The following FBXL17 variants were observed in gnomAD, a reference collection of about 807,000 sequenced individuals.
The protein encoded by FBXL17 is F-box/LRR-repeat protein 17.
A neutral mutation model predicts 66.2 loss-of-function variants in FBXL17; 22 were observed. The ratio of observed to expected loss-of-function variants is 0.33; its 90% CI spans 0.24 to 0.47. The LOEUF is 0.47. Among genes scored for constraint, FBXL17 ranks in the 20% least tolerant of loss-of-function variants. The pLI, the probability that FBXL17 is intolerant of heterozygous loss-of-function variation, is 1.00. For missense variants in FBXL17, 878 were observed against 948.2 expected (o/e 0.93, Z 0.97); for synonymous variants, 474 against 400.5 (o/e 1.18, Z -2.19).
At chr5:108,260,376 T>C (rs1372221304) in intron 4 of FBXL17, among the ~76,000 whole-genome samples, 1 of 152,102 alleles carries the variant, frequency 6.6e-6, no homozygotes, top group Non-Finnish European at 1.5e-5. Context: ...CCCTTCCCAA[T>C]TCACATTACC....
At chr5:108,233,516 A>T (rs1322477532) in intron 4 of FBXL17, among the ~76,000 whole-genome samples, 1 of 152,208 alleles carries the variant, frequency 6.6e-6, no homozygotes, top group Non-Finnish European at 1.5e-5. Flanking sequence ...GAAGAATGAG[A>T]TCAGCTTGCA....
rs34402512 is a variant in FBXL17, at chr5:107,859,265, C to T, written c.*2455G>A. 6.6e-6 allele frequency: 1 copy of T among 151,476 alleles called. No individual in the cohort carries two copies. Among genetic ancestry groups the T allele is most frequent in the Non-Finnish European group, 1.5e-5 (1 of 67,908 alleles). 9.4% of individuals were successfully genotyped at this position (151,476 alleles called of 1,614,324 possible). A position where few individuals can be genotyped will look rare whatever the true frequency, so the allele number is the denominator to read the frequency against. Reference sequence around the variant, plus strand: ...CGTGTTCACATGTATTTATGACATTCTAAGCAAAAAAAAGAAACTCTATAT... The same window carrying T: ...CGTGTTCACATGTATTTATGACATTTTAAGCAAAAAAAAGAAACTCTATAT... On this transcript the variant is annotated 3_prime_UTR_variant, in exon 9 of 9. Coordinates refer to ENST00000542267, the MANE Select transcript of FBXL17 (RefSeq NM_001163315.3).
intron 4 of FBXL17, among the ~76,000 whole-genome samples, chr5:108,227,269 G>C (rs1257515216): frequency 6.6e-6 from 1 of 152,142 alleles, no homozygotes; most frequent in Non-Finnish European, 1.5e-5. Context: ...AAGTTACACT[G>C]ACAGTGTTTT....
In FBXL17 at chr5:108,339,179, G is replaced by A. The variant is rs548146979; in HGVS notation, c.1506+9220C>T. Among the ~76,000 whole-genome samples the A allele has an allele frequency of 3.3e-5, 5 of 152,254 alleles. No individual in the cohort carries two copies. In the East Asian group the frequency reaches 9.6e-4, roughly 29 times the overall value. On this transcript the variant is annotated intron_variant, in intron 4 of 8. Coordinates refer to ENST00000542267, the MANE Select transcript of FBXL17 (RefSeq NM_001163315.3). ...AATTCTCCAATTCTCCTTCCTTTAA[G>A]TTTAGTCACTGAAATAACTGGGAAT...
chr5:108,247,700 A>C lies in FBXL17; in HGVS notation c.1507-23472T>G, dbSNP rs1756166091. Among the ~76,000 whole-genome samples, 2 of 152,150 alleles carry C rather than the reference A, an allele frequency of 1.3e-5. 1 individual carries two copies. The highest frequency in any genetic ancestry group is 4.1e-4 in the South Asian group (2 of 4,826). On this transcript the variant is annotated intron_variant, in intron 4 of 8. Coordinates refer to ENST00000542267, the MANE Select transcript of FBXL17 (RefSeq NM_001163315.3). ...AAGTTTTGAGGATATTTTAATTTTTACTCATAGCATTTAAATTCTGCTGCC... is the reference window on the plus strand; with the variant it reads ...AAGTTTTGAGGATATTTTAATTTTTCCTCATAGCATTTAAATTCTGCTGCC...
chr5:107,870,279 C>T lies in FBXL17; in HGVS notation c.1966-8419G>A, dbSNP rs140970620. Among the ~76,000 whole-genome samples the T allele has an allele frequency of 8.7e-4, 132 of 152,326 alleles. 1 individual carries two copies. The highest frequency in any genetic ancestry group is 3.1e-3 in the African/African-American group (127 of 41,582). On this transcript the variant is annotated intron_variant, in intron 8 of 8. Coordinates refer to ENST00000542267, the MANE Select transcript of FBXL17 (RefSeq NM_001163315.3). ...CTTCCCATGACATGACACCTCTGAG[C>T]TAGAGGTTCTGGGGAAAAGGAACTG...
chr5:108,201,213 T>C (rs1753881364), intron 5 of FBXL17, among the ~76,000 whole-genome samples: 1 of 152,162 alleles, frequency 6.6e-6, no homozygotes, highest in Non-Finnish European at 1.5e-5. Context: ...CTTTCGTTCA[T>C]CAGTATAGAC....
intron 7 of FBXL17, among the ~76,000 whole-genome samples, chr5:107,889,519 C>T (rs759295637): frequency 6.6e-6 from 1 of 152,126 alleles, no homozygotes; most frequent in South Asian, 2.1e-4. Flanking sequence ...CAGGGGCATT[C>T]GTTTTATATA....
chr5:108,230,816 A>T (rs1275111423), intron 4 of FBXL17, among the ~76,000 whole-genome samples: 6 of 151,756 alleles, frequency 4.0e-5, no homozygotes, highest in Admixed American at 3.9e-4. Flanking sequence ...GGCGCGAGGG[A>T]TAAAAGACTA....
chr5:108,032,947 T>C (rs1314000710), intron 6 of FBXL17, among the ~76,000 whole-genome samples: 2 of 152,146 alleles, frequency 1.3e-5, no homozygotes, highest in East Asian at 3.9e-4. Flanking sequence ...AATTTTAAGT[T>C]GTTGTGACAA....
At chr5:108,182,671 C>T (rs79531162) in intron 6 of FBXL17, among the ~76,000 whole-genome samples, 18,447 of 152,128 alleles carry the variant, frequency 0.12, 1,339 homozygotes, top group Admixed American at 0.16. Context: ...TAGGATCAAA[C>T]ACCAAATAAC....
At chr5:108,000,520 C>T (rs1014589412) in intron 7 of FBXL17, among the ~76,000 whole-genome samples, 1 of 152,152 alleles carries the variant, frequency 6.6e-6, no homozygotes, top group South Asian at 2.1e-4. Context: ...CAATATTTTA[C>T]AAATGACAAT....
intron 6 of FBXL17, among the ~76,000 whole-genome samples, chr5:108,088,912 G>A (rs1433099986): frequency 6.6e-6 from 1 of 152,008 alleles, no homozygotes; most frequent in Admixed American, 6.6e-5. Flanking sequence ...TCAAATGGAT[G>A]CCTCAAAGGC....
intron 5 of FBXL17, among the ~76,000 whole-genome samples, chr5:108,191,622 T>C (rs1463838966): frequency 1.3e-5 from 2 of 152,224 alleles, no homozygotes; most frequent in African/African-American, 4.8e-5. Context: ...ATCTGAGCTA[T>C]TTTATAGACT....
chr5:107,862,024 T>C (rs57585211), intron 8 of FBXL17, among the ~76,000 whole-genome samples, 164 bp from the exon 9 acceptor site: 2 of 152,106 alleles, frequency 1.3e-5, no homozygotes, highest in South Asian at 2.1e-4. Context: ...ATGTGTCCCA[T>C]TTCATCTGAC....
intron 6 of FBXL17, among the ~76,000 whole-genome samples, chr5:108,154,479 A>G (rs1277450155): frequency 6.7e-6 from 1 of 149,568 alleles, no homozygotes; most frequent in East Asian, 2.0e-4. Flanking sequence ...AATCCCAGCT[A>G]CTCGGGAGTC....
intron 6 of FBXL17, among the ~76,000 whole-genome samples, chr5:108,023,845 AAG>A (rs1754694927): frequency 1.3e-5 from 2 of 152,156 alleles, no homozygotes; most frequent in South Asian, 4.1e-4. Flanking sequence ...ATACCAATAA[AAG>A]AGAGAAATGT....
At chr5:108,192,433 A>T (rs1375413464) in intron 5 of FBXL17, among the ~76,000 whole-genome samples, 2 of 152,224 alleles carry the variant, frequency 1.3e-5, no homozygotes, top group Non-Finnish European at 2.9e-5. Context: ...TTTATTAGAA[A>T]AAAAGTGACA....
chr5:107,934,060 T>C (rs1316717510), intron 7 of FBXL17, among the ~76,000 whole-genome samples: 2 of 152,188 alleles, frequency 1.3e-5, no homozygotes, highest in Non-Finnish European at 2.9e-5. Context: ...TCACAGGTGC[T>C]ACACTGTGAG....
Sources: gnomAD v4.1 joint callset for allele counts (sites outside exome capture counted in the v4.1 genomes callset) on GRCh38, gnomAD v4.1.1 for gene constraint, MANE v1.5 for transcripts, NCBI Gene and HGNC (gene_info 2026-07-23, HGNC 2026-07-21) for gene names.